Variants in DNAAF9 observed in about 807,000 individuals in gnomAD.
DNAAF9 encodes the protein dynein axonemal assembly factor 9.
Under a neutral mutation model 167.0 loss-of-function variants are expected in DNAAF9, and 90 were observed. That is an observed-to-expected ratio of 0.54 (90% CI 0.45 to 0.64). The LOEUF is 0.64. DNAAF9 is among the 30% of genes least tolerant of loss of function. The probability of loss-of-function intolerance (pLI) is 0.00; values close to 1 mark genes in which losing one functional copy is unlikely to be tolerated. For synonymous variants in DNAAF9, 491 were observed against 508.8 expected (o/e 0.96, Z 0.47); for missense variants, 1,315 against 1,442.2 (o/e 0.91, Z 1.43).
At chr20:3,357,754 A>C (rs2083307996) in intron 7 of DNAAF9, among the ~76,000 whole-genome samples, 1 of 151,810 alleles carries the variant, frequency 6.6e-6, no homozygotes, top group Non-Finnish European at 1.5e-5. Context: ...TGTGGAGCGC[A>C]ATGGTACAAT....
At position 3,278,901 on chromosome 20, in the gene DNAAF9, A is replaced by G. The variant is rs1311341116; in HGVS notation, c.2650+11T>C. 3 of 1,577,140 alleles carry G rather than the reference A, an allele frequency of 1.9e-6. No homozygotes were observed. The highest frequency in any genetic ancestry group is 2.2e-5 in the East Asian group (1 of 44,708). The stretch of plus-strand genomic sequence containing the variant: ...AAGGCATGCAGGCTGAAAATAAAGT[A>G]TATTACTTACCTTGTGAACACTGGT... On this transcript the variant is annotated intron_variant, in intron 29 of 36. Transcript: ENST00000252032.
intron 7 of DNAAF9, among the ~76,000 whole-genome samples, chr20:3,358,015 TATATATTTTTAAAATAA>T (rs771665353): frequency 5.9e-5 from 9 of 151,836 alleles, no homozygotes; most frequent in Non-Finnish European, 1.0e-4. Context: ...TCTAAAAATA[TATATATTTTTAAAATAA>T]ATAAATAAAA....
rs188148636 is a variant in DNAAF9, at chr20:3,291,389, G to T, written c.2239-1172C>A. Among the ~76,000 whole-genome samples the T allele has an allele frequency of 2.5e-3, 370 of 150,824 alleles. 1 individual carries two copies. Among genetic ancestry groups the T allele is most frequent in the African/African-American group, 8.2e-3 (336 of 41,042 alleles). ...AGACGGAGTCTCGCTCCGTCGCCAG[G>T]CTGGAGTGCAGTGGTGCAATCTCGG... On this transcript the variant is annotated intron_variant, in intron 25 of 36. Coordinates refer to ENST00000252032, the MANE Select transcript of DNAAF9 (RefSeq NM_001009984.3).
intron 10 of DNAAF9, among the ~76,000 whole-genome samples, chr20:3,338,170 T>A (rs1237851008): frequency 2.6e-5 from 4 of 151,742 alleles, no homozygotes; most frequent in African/African-American, 9.7e-5. Flanking sequence ...TAAATTCAAT[T>A]TTTTTGTTTG....
At chr20:3,286,487 A>G (rs2236098) in intron 27 of DNAAF9, among the ~76,000 whole-genome samples, 31,297 of 152,172 alleles carry the variant, frequency 0.21, 3,523 homozygotes, top group African/African-American at 0.28. Flanking sequence ...GGGGGCAGGC[A>G]GTAAAGGAGG....
intron 10 of DNAAF9, among the ~76,000 whole-genome samples, chr20:3,337,446 T>G (rs986900671): frequency 2.7e-5 from 4 of 150,474 alleles, no homozygotes; most frequent in Non-Finnish European, 4.4e-5. Flanking sequence ...TTTTGTTTTT[T>G]TTTTTTTTGG....
At chr20:3,343,017 G>T (rs2070117571) in intron 9 of DNAAF9, among the ~76,000 whole-genome samples, 2 of 151,682 alleles carry the variant, frequency 1.3e-5, no homozygotes, top group Non-Finnish European at 2.9e-5. Flanking sequence ...GATTCTCTGT[G>T]TACTCTGATG....
At chr20:3,352,156 TG>T (rs1282878966) in intron 7 of DNAAF9, among the ~76,000 whole-genome samples, 1 of 152,218 alleles carries the variant, frequency 6.6e-6, no homozygotes, top group Admixed American at 6.5e-5. Context: ...GTAAACACTT[TG>T]GGAAATGTTC....
chr20:3,402,652 G>A (rs950534380), intron 1 of DNAAF9, among the ~76,000 whole-genome samples: 3 of 151,502 alleles, frequency 2.0e-5, no homozygotes, highest in Non-Finnish European at 4.4e-5. Context: ...AACGCAGCTC[G>A]CTGTAGCCTT....
chr20:3,332,496 T>C (rs1600802040), intron 10 of DNAAF9, 135 bp from the exon 11 acceptor site: 1 of 514,856 alleles, frequency 1.9e-6, no homozygotes, highest in East Asian at 3.4e-5. Context: ...CTCTGTCATG[T>C]AGGATGGAGT....
intron 30 of DNAAF9, among the ~76,000 whole-genome samples, chr20:3,265,245 G>C (rs1008075349): frequency 6.6e-6 from 1 of 152,024 alleles, no homozygotes; most frequent in Non-Finnish European, 1.5e-5. Flanking sequence ...CCTTTTTGGT[G>C]GGGGAGGGTC....
chr20:3,330,920 T>G (rs2069816420), intron 11 of DNAAF9, among the ~76,000 whole-genome samples: 1 of 151,736 alleles, frequency 6.6e-6, no homozygotes, highest in South Asian at 2.1e-4. Context: ...GCCTCCTGAG[T>G]AGCTGGGATT....
intron 12 of DNAAF9, among the ~76,000 whole-genome samples, chr20:3,329,922 T>A (rs1476230269): frequency 6.6e-6 from 1 of 152,216 alleles, no homozygotes; most frequent in East Asian, 1.9e-4. Flanking sequence ...ACAGCCAGTG[T>A]TCACACCCTC....
intron 6 of DNAAF9, among the ~76,000 whole-genome samples, chr20:3,368,720 G>T (rs1241618725): frequency 1.3e-5 from 2 of 151,764 alleles, no homozygotes; most frequent in Non-Finnish European, 2.9e-5. Flanking sequence ...GGGTTTCACC[G>T]TGTTAGCCAG....
chr20:3,403,785 T>C (rs1305025661), intron 1 of DNAAF9, among the ~76,000 whole-genome samples: 1 of 152,144 alleles, frequency 6.6e-6, no homozygotes, highest in East Asian at 1.9e-4. Context: ...TTCAGTGTCT[T>C]CAATTCTCCT....
chr20:3,356,816 T>C (rs2123165726), intron 7 of DNAAF9, among the ~76,000 whole-genome samples: 2 of 152,222 alleles, frequency 1.3e-5, no homozygotes, highest in South Asian at 4.1e-4. Context: ...AGACATGTCA[T>C]GTTATGACCA....
chr20:3,332,422 T>C (rs2069847286), intron 10 of DNAAF9, 61 bp from the exon 11 acceptor site: 1 of 830,712 alleles, frequency 1.2e-6, no homozygotes, highest in Non-Finnish European at 2.0e-6. Flanking sequence ...TACTAGTAGA[T>C]AAACAAAAAG....
At chr20:3,323,274 CTTTTTTTTTTTTT>C (rs71195835) in intron 14 of DNAAF9, among the ~76,000 whole-genome samples, 145 of 69,120 alleles carry the variant, frequency 2.1e-3, no homozygotes, top group African/African-American at 8.2e-3. Context: ...GTGAAGTAAT[CTTTTTTTTTTTTT>C]TTTTTTTTTT....
chr20:3,377,687 T>C (rs575400037), intron 3 of DNAAF9, among the ~76,000 whole-genome samples: 7 of 152,210 alleles, frequency 4.6e-5, no homozygotes, highest in Non-Finnish European at 8.8e-5. Flanking sequence ...CTCGAACTCC[T>C]AAGCTCAAGT....
Sources: allele counts gnomAD v4.1 joint callset (sites outside exome capture counted in the v4.1 genomes callset), GRCh38; gene constraint gnomAD v4.1.1; transcripts MANE v1.5; gene names NCBI Gene and HGNC (gene_info 2026-07-23, HGNC 2026-07-21).